Variants in PTPRH observed in about 807,000 individuals in gnomAD.
PTPRH encodes receptor-type tyrosine-protein phosphatase H.
In PTPRH, 113 loss-of-function variants were observed where a neutral mutation model predicts 130.2. The ratio of observed to expected loss-of-function variants is 0.87; its 90% CI spans 0.75 to 1.01. The LOEUF (loss-of-function observed/expected upper bound fraction) is 1.01, where lower values mean the gene tolerates loss of function less well. PTPRH is among the 50% of genes least tolerant of loss of function. The probability of loss-of-function intolerance (pLI) is 0.00; values close to 1 mark genes in which losing one functional copy is unlikely to be tolerated. For synonymous variants in PTPRH, 556 were observed against 577.9 expected (o/e 0.96, Z 0.54); for missense variants, 1,430 against 1,425.0 (o/e 1.00, Z -0.06).
intron 18 of PTPRH, among the ~76,000 whole-genome samples, chr19:55,183,296 C>T (rs1027281908): frequency 9.3e-5 from 14 of 150,812 alleles, no homozygotes; most frequent in South Asian, 6.3e-4. Context: ...CCCAGCTACT[C>T]GAGAGGCTGA....
intron 14 of PTPRH, 121 bp downstream of exon 14, chr19:55,187,392 A>G (rs1194337406): frequency 1.3e-5 from 7 of 535,354 alleles, no homozygotes; most frequent in Middle Eastern, 3.3e-4. Context: ...GGAAGAAAAA[A>G]AAAAGGAGAC....
intron 16 of PTPRH, 53 bp downstream of exon 16, chr19:55,186,172 T>G (rs1017314465): frequency 4.8e-5 from 75 of 1,578,618 alleles, no homozygotes; most frequent in Admixed American, 2.3e-4. Context: ...ATTGGATGAG[T>G]GTTCGGGGCG....
intron 10 of PTPRH, among the ~76,000 whole-genome samples, chr19:55,192,603 G>C (rs1273924997): frequency 6.6e-6 from 1 of 150,958 alleles, no homozygotes; most frequent in African/African-American, 2.4e-5. Context: ...CCAGGCTGCA[G>C]TGCAGTGGTG....
intron 18 of PTPRH, among the ~76,000 whole-genome samples, chr19:55,184,013 A>G (rs114390650): frequency 0.017 from 2,622 of 151,952 alleles, 81 homozygotes; most frequent in African/African-American, 0.059. Context: ...TGCCGGGCAC[A>G]GTGGTTCACG....
At chr19:55,191,336 G>A (rs1296787074) in intron 12 of PTPRH, among the ~76,000 whole-genome samples, 165 bp downstream of exon 12, 1 of 152,190 alleles carries the variant, frequency 6.6e-6, no homozygotes, top group African/African-American at 2.4e-5. Flanking sequence ...CTTGGGGAGT[G>A]AGTCACGATG....
At chr19:55,192,694 G>C (rs546515797) in intron 10 of PTPRH, among the ~76,000 whole-genome samples, 1 of 151,062 alleles carries the variant, frequency 6.6e-6, no homozygotes, top group African/African-American at 2.4e-5. Flanking sequence ...TGGGACTACC[G>C]GTGCCCGCCA....
chr19:55,186,914 G>A (rs1181865123), intron 14 of PTPRH, among the ~76,000 whole-genome samples: 4 of 152,072 alleles, frequency 2.6e-5, no homozygotes, highest in East Asian at 1.9e-4. Flanking sequence ...GCATGGTGGC[G>A]GGCGCCTGTA....
chr19:55,191,586 G>T (rs1409418696), intron 11 of PTPRH, 38 bp from the exon 12 acceptor site: 2 of 1,613,394 alleles, frequency 1.2e-6, no homozygotes. Flanking sequence ...CTCAGGGGGT[G>T]AGGCTGCAAC....
chr19:55,203,630 T>G (rs2086943405), intron 5 of PTPRH, 152 bp downstream of exon 5: 9 of 955,894 alleles, frequency 9.4e-6, no homozygotes, highest in Non-Finnish European at 1.2e-5. Flanking sequence ...GTACTTATTT[T>G]TATGTGGCTG....
At chr19:55,195,040 A>G (rs953732714) in intron 10 of PTPRH, among the ~76,000 whole-genome samples, 5 of 152,116 alleles carry the variant, frequency 3.3e-5, no homozygotes, top group African/African-American at 1.2e-4. Flanking sequence ...AAATTTAAAA[A>G]TTAGCTGGGC....
intron 3 of PTPRH, 72 bp from the exon 4 acceptor site, chr19:55,205,664 G>A (rs368985667): frequency 4.0e-4 from 636 of 1,582,778 alleles, no homozygotes; most frequent in East Asian, 2.8e-3. Flanking sequence ...TTCCTTAACC[G>A]TTGCATCCAG....
chr19:55,199,513 G>A (rs751963431), intron 7 of PTPRH, among the ~76,000 whole-genome samples: 2 of 151,976 alleles, frequency 1.3e-5, no homozygotes, highest in Non-Finnish European at 2.9e-5. Flanking sequence ...GCAGAGGCAG[G>A]AGAATTGCTT....
Position 55,207,161 on chromosome 19 carries a change from C to T in PTPRH, c.85+5G>A. The stretch of plus-strand genomic sequence containing the variant: ...GGGCAGTGAGTTCAGGCAGGGGTCA[C>T]TCACCAGGCGCCCTGGCCCCTGTCC... On this transcript the variant is annotated splice_donor_5th_base_variant and intron_variant, in intron 2 of 19. Coordinates refer to ENST00000376350, the MANE Select transcript of PTPRH (RefSeq NM_002842.5). 1 of 1,613,304 alleles carries T rather than the reference C, an allele frequency of 6.2e-7. No individual in the cohort carries two copies. The highest frequency in any genetic ancestry group is 1.1e-5 in the South Asian group (1 of 90,998).
rs927943190 is a variant in PTPRH, at chr19:55,194,142, G to C, written c.2257+2380C>G. On this transcript the variant is annotated intron_variant, in intron 10 of 19. Transcript: ENST00000376350. Reference sequence around the variant, plus strand: ...TGGGATTACAGGCGTGAGCCACCGCGCCTGGCTGATCTGGTGGTGTCTATG... The same window carrying C: ...TGGGATTACAGGCGTGAGCCACCGCCCCTGGCTGATCTGGTGGTGTCTATG... 5.4e-6 allele frequency: 7 copies of C among 1,287,388 alleles called. No individual in the cohort carries two copies. The African/African-American group carries it at 1.1e-4, about 20-fold the overall frequency. The allele number at this position is 1,287,388 out of a possible 1,614,324, so 79.7% of individuals were successfully genotyped here. A position where few individuals can be genotyped will look rare whatever the true frequency, so the allele number is the denominator to read the frequency against.
Position 55,187,564 on chromosome 19 carries a change from C to A in PTPRH, c.2515G>T (p.Ala839Ser). 1 of 1,613,364 alleles carries A rather than the reference C, an allele frequency of 6.2e-7. No homozygotes were observed. The highest frequency in any genetic ancestry group is 1.1e-5 in the South Asian group (1 of 91,036). The change falls in exon 14 of 20, where the codon GCT (alanine) becomes TCT (serine). Residue 839 changes from alanine (A) to serine (S), a missense_variant. Ala to Ser is a moderately conservative substitution (Grantham distance 99). Coordinates refer to ENST00000376350, the MANE Select transcript of PTPRH (RefSeq NM_002842.5). ...LVGHSQSQMV[A>S]SASENNAKNR... ...TTGGCGTTGTTCTCTGAAGCCGAAGCCACCATCTGAGACTGGCTGTGGCCC... is the reference window on the plus strand; with the variant it reads ...TTGGCGTTGTTCTCTGAAGCCGAAGACACCATCTGAGACTGGCTGTGGCCC...
rs753268061 is a variant in PTPRH, at chr19:55,186,524, C to T, written c.2583G>A (p.Val861=). ...GCTCCTCATGGATGGGCTTCAGGGG[C>T]ACCCGGGACCAGTCATCTAGGAGAA... The part of the protein sequence containing the change: ...RNVLPYDWSR[V]PLKPIHEEPG... Residue 861 remains valine, a synonymous_variant, in exon 15 of 20, where the codon GTG becomes GTA. Transcript: ENST00000376350. 32 of 1,571,844 alleles carry T rather than the reference C, an allele frequency of 2.0e-5. No homozygotes were observed. In the South Asian group the frequency reaches 3.4e-4, roughly 17 times the overall value.
At position 55,206,960 on chromosome 19, in the gene PTPRH, G is replaced by T. The variant is rs761755236; in HGVS notation, c.86-5C>A. The T allele has an allele frequency of 5.7e-6, 9 of 1,583,224 alleles. No individual in the cohort carries two copies. The highest frequency in any genetic ancestry group is 6.0e-6 in the Non-Finnish European group (7 of 1,162,078). On this transcript the variant is annotated splice_region_variant and splice_polypyrimidine_tract_variant and intron_variant, in intron 2 of 19. Transcript: ENST00000376350. ...GGTTCCTCCCTGGGTTGGGGGCTGA[G>T]AATTGGGAAGGAAGGTCTGACAAAA... is the stretch of plus-strand genomic sequence containing the variant.
At chr19:55,185,751 T>C in intron 17 of PTPRH, 89 bp from the exon 18 acceptor site, 2 of 1,597,496 alleles carry the variant, frequency 1.3e-6, no homozygotes, top group South Asian at 1.1e-5. Context: ...TGGGGCACAC[T>C]GCAGCTCCTC....
chr19:55,191,780 TCTGAG>T (rs1568902445), intron 10 of PTPRH, 39 bp from the exon 11 acceptor site: 1 of 1,539,744 alleles, frequency 6.5e-7, no homozygotes, highest in Non-Finnish European at 9.0e-7. Flanking sequence ...AGAGCGCAGG[TCTGAG>T]CTGCTCATCT....
Sources: allele counts gnomAD v4.1 joint callset (sites outside exome capture counted in the v4.1 genomes callset), GRCh38; gene constraint gnomAD v4.1.1; transcripts MANE v1.5; gene names NCBI Gene and HGNC (gene_info 2026-07-23, HGNC 2026-07-21).